Variants in TSPAN12 observed in about 807,000 individuals in gnomAD.
TSPAN12 encodes the protein tetraspanin 12.
TSPAN12 carries 19 observed loss-of-function variants against 39.2 expected under a neutral mutation model. The observed-to-expected ratio is 0.49, with a 90% CI of 0.34 to 0.71. The LOEUF (loss-of-function observed/expected upper bound fraction) is 0.71. Among genes scored for constraint, TSPAN12 ranks in the 30% least tolerant of loss-of-function variants. The probability of loss-of-function intolerance (pLI) is 0.01; values close to 1 mark genes in which losing one functional copy is unlikely to be tolerated. For missense variants in TSPAN12, 314 were observed against 359.9 expected (o/e 0.87, Z 1.03); for synonymous variants, 119 against 124.8 (o/e 0.95, Z 0.31).
chr7:120,819,439 A>G lies in TSPAN12; in HGVS notation c.286-3636T>C, dbSNP rs547749839. Among the ~76,000 whole-genome samples, 6 of 152,236 alleles carry G rather than the reference A, an allele frequency of 3.9e-5. No individual in the cohort carries two copies. In the East Asian group the frequency reaches 1.2e-3, roughly 29 times the overall value. On this transcript the variant is annotated intron_variant, in intron 4 of 7. Transcript: ENST00000222747. Reference sequence around the variant, plus strand: ...TCTGGGAAAACTCCAAAATGACTGTATCTTTCAGATTTCCAATGGTTTCAC... The same window carrying G: ...TCTGGGAAAACTCCAAAATGACTGTGTCTTTCAGATTTCCAATGGTTTCAC...
chr7:120,806,664 G>C lies in TSPAN12; in HGVS notation c.497C>G (p.Thr166Ser). ...EFKCCGVVYF[T>S]DWLEMTEMDW... ...CATCTCTGTCATTTCCAACCAGTCA[G>C]TGAAATATACTACTCCACAGCACTT... Residue 166 changes from threonine to serine, a missense_variant, in exon 7 of 8, where the codon ACT (threonine) becomes AGT (serine). Coordinates refer to ENST00000222747, the MANE Select transcript of TSPAN12 (RefSeq NM_012338.4). The C allele has an allele frequency of 1.2e-6, 2 of 1,613,378 alleles. No individual in the cohort carries two copies. Among genetic ancestry groups the C allele is most frequent in the Non-Finnish European group, 1.7e-6 (2 of 1,179,546 alleles).
intron 7 of TSPAN12, among the ~76,000 whole-genome samples, chr7:120,789,131 T>C (rs553567493): frequency 2.6e-5 from 4 of 152,204 alleles, no homozygotes; most frequent in Admixed American, 1.3e-4. Context: ...TTTGTCTTTC[T>C]CAAAACCTGA....
intron 5 of TSPAN12, among the ~76,000 whole-genome samples, chr7:120,811,520 A>T (rs1258074679): frequency 6.6e-6 from 1 of 151,934 alleles, no homozygotes; most frequent in Non-Finnish European, 1.5e-5. Flanking sequence ...TACAAAAAAA[A>T]ATTAGCCGGT....
At chr7:120,804,853 T>C (rs1306617445) in intron 7 of TSPAN12, among the ~76,000 whole-genome samples, 1 of 151,956 alleles carries the variant, frequency 6.6e-6, no homozygotes, top group African/African-American at 2.4e-5. Flanking sequence ...GAAAACACCA[T>C]GTGAAGATGA....
chr7:120,814,238 T>G (rs1204986803), intron 5 of TSPAN12: 2 of 456,592 alleles, frequency 4.4e-6, no homozygotes, highest in Non-Finnish European at 8.8e-6. Flanking sequence ...GCCAAATGAC[T>G]CTCTTCGCTC....
chr7:120,830,749 ATAT>A (rs1794375071), intron 4 of TSPAN12, among the ~76,000 whole-genome samples: 2 of 152,078 alleles, frequency 1.3e-5, no homozygotes, highest in African/African-American at 4.8e-5. Flanking sequence ...TGATTTTTTA[ATAT>A]GACCCCAAAG....
intron 7 of TSPAN12, among the ~76,000 whole-genome samples, chr7:120,798,496 T>G (rs1793676868): frequency 1.3e-5 from 2 of 152,212 alleles, no homozygotes; most frequent in South Asian, 4.1e-4. Context: ...GTTGACTATC[T>G]GAGCAGGAGG....
intron 6 of TSPAN12, among the ~76,000 whole-genome samples, chr7:120,809,153 A>T (rs1793930182): frequency 6.6e-6 from 1 of 152,036 alleles, no homozygotes; most frequent in Non-Finnish European, 1.5e-5. Context: ...ATGGAGGAGG[A>T]AACTTACCAT....
chr7:120,792,037 C>A (rs1342636980), intron 7 of TSPAN12, among the ~76,000 whole-genome samples: 1 of 152,240 alleles, frequency 6.6e-6, no homozygotes, highest in Non-Finnish European at 1.5e-5. Context: ...CAAAGTCTTG[C>A]GGCAATCTGA....
At chr7:120,806,068 A>G (rs1793865797) in intron 7 of TSPAN12, among the ~76,000 whole-genome samples, 1 of 152,106 alleles carries the variant, frequency 6.6e-6, no homozygotes, top group Non-Finnish European at 1.5e-5. Flanking sequence ...TAAAACTGAC[A>G]TCACTAATCA....
chr7:120,794,517 G>A (rs1793594226), intron 7 of TSPAN12, among the ~76,000 whole-genome samples: 1 of 152,194 alleles, frequency 6.6e-6, no homozygotes, highest in African/African-American at 2.4e-5. Context: ...GCCATGTGAT[G>A]TGCCTGCTGC....
At chr7:120,818,515 G>C (rs548318732) in intron 4 of TSPAN12, among the ~76,000 whole-genome samples, 1 of 152,020 alleles carries the variant, frequency 6.6e-6, no homozygotes, top group Admixed American at 6.6e-5. Context: ...AATTAAAGGG[G>C]GAGTGGAGTA....
chr7:120,822,086 T>C (rs1373862037), intron 4 of TSPAN12, among the ~76,000 whole-genome samples: 1 of 152,152 alleles, frequency 6.6e-6, no homozygotes, highest in East Asian at 1.9e-4. Flanking sequence ...AATGACATGT[T>C]ACTAGTCCCT....
chr7:120,815,597 G>A, intron 5 of TSPAN12, 132 bp downstream of exon 5: 1 of 842,494 alleles, frequency 1.2e-6, no homozygotes, highest in Non-Finnish European at 1.9e-6. Flanking sequence ...ATGCTGAACT[G>A]TGAGTTAATT....
chr7:120,826,370 G>A (rs542146774), intron 4 of TSPAN12, among the ~76,000 whole-genome samples: 8 of 152,176 alleles, frequency 5.3e-5, no homozygotes, highest in Non-Finnish European at 2.9e-5. Context: ...GAGCACACTA[G>A]AGAAGTCACC....
intron 5 of TSPAN12, among the ~76,000 whole-genome samples, chr7:120,811,836 G>A (rs1314880756): frequency 6.6e-6 from 1 of 152,114 alleles, no homozygotes; most frequent in East Asian, 1.9e-4. Flanking sequence ...TCACTCGTAT[G>A]TGGGAGCTAA....
At chr7:120,795,301 T>C (rs1342932868) in intron 7 of TSPAN12, among the ~76,000 whole-genome samples, 5 of 152,236 alleles carry the variant, frequency 3.3e-5, no homozygotes, top group Middle Eastern at 3.2e-3. Flanking sequence ...ACATGTTGGC[T>C]AACCTACTTT....
chr7:120,855,468 A>C (rs1447388307), intron 2 of TSPAN12, among the ~76,000 whole-genome samples: 2 of 152,220 alleles, frequency 1.3e-5, no homozygotes, highest in African/African-American at 4.8e-5. Flanking sequence ...ATGGAGTTTA[A>C]ACTCTTAATA....
intron 4 of TSPAN12, among the ~76,000 whole-genome samples, chr7:120,828,933 A>T (rs1279855802): frequency 6.6e-6 from 1 of 152,128 alleles, no homozygotes; most frequent in African/African-American, 2.4e-5. Flanking sequence ...CTGTTATTTC[A>T]TTAAATCTTT....
Sources: gnomAD v4.1 joint callset for allele counts (sites outside exome capture counted in the v4.1 genomes callset) on GRCh38, gnomAD v4.1.1 for gene constraint, MANE v1.5 for transcripts, NCBI Gene and HGNC (gene_info 2026-07-23, HGNC 2026-07-21) for gene names.